TTLL5: variants seen among roughly 807,000 people sequenced by gnomAD.
TTLL5 encodes tubulin polyglutamylase TTLL5.
A neutral mutation model predicts 168.4 loss-of-function variants in TTLL5; 132 were observed. The ratio of observed to expected loss-of-function variants is 0.78; its 90% CI spans 0.68 to 0.91. The LOEUF (loss-of-function observed/expected upper bound fraction) is 0.91, where lower values mean the gene tolerates loss of function less well. Ranked by LOEUF, TTLL5 falls within the 40% of genes least tolerant of loss-of-function variation. The pLI, the probability that TTLL5 is intolerant of heterozygous loss-of-function variation, is 0.00. For missense variants in TTLL5, 1,545 were observed against 1,581.5 expected, an observed-to-expected ratio of 0.98 and a Z score of 0.39; for synonymous variants, 546 against 558.6, an observed-to-expected ratio of 0.98 and a Z score of 0.32.
chr14:75,766,421 T>C, intron 20 of TTLL5, 53 bp downstream of exon 20: 1 of 1,463,578 alleles, frequency 6.8e-7, no homozygotes, highest in African/African-American at 1.4e-5. Flanking sequence ...TAACTTGTAC[T>C]GTGTACCAGC....
intron 27 of TTLL5, among the ~76,000 whole-genome samples, chr14:75,816,579 C>T (rs753853846): frequency 5.7e-4 from 86 of 152,106 alleles, no homozygotes; most frequent in African/African-American, 7.7e-4. Context: ...AATCTCCAGA[C>T]GATATCATTT....
In TTLL5 at chr14:75,776,817, T is replaced by C. The variant is rs1373380553; in HGVS notation, c.2354T>C (p.Met785Thr). Residue 785 changes from methionine (M) to threonine (T), a missense_variant, in exon 23 of 32, where the codon ATG becomes ACG. Transcript: ENST00000298832. ...VEEEEEDGVN[M>T]ENFQEFIRQA... ...GAAGAAGAGGAAGATGGGGTGAATA[T>C]GGAAAACTTTCAGGAGTTCATCAGA... The C allele has an allele frequency of 1.2e-6, 2 of 1,613,974 alleles. No homozygotes were observed. Among genetic ancestry groups the C allele is most frequent in the Admixed American group, 3.3e-5 (2 of 60,002 alleles).
At chr14:75,839,169 G>A (rs1323276309) in intron 28 of TTLL5, 1 of 152,424 alleles carries the variant, frequency 6.6e-6, no homozygotes, top group Admixed American at 6.5e-5. Context: ...GAGCTCTGTG[G>A]TGTGGGCCCT....
intron 19 of TTLL5, 126 bp downstream of exon 19, chr14:75,764,898 T>C: frequency 9.2e-7 from 1 of 1,089,206 alleles, no homozygotes; most frequent in East Asian, 2.5e-5. Flanking sequence ...TTTATATAGT[T>C]TTTTCTCTGA....
At position 75,798,757 on chromosome 14, in the gene TTLL5, T is replaced by C. The variant is rs576724766; in HGVS notation, c.3171+5657T>C. On this transcript the variant is annotated intron_variant, in intron 27 of 31. Transcript: ENST00000298832. ...TCAGGAGCAGACTATTTAATTTCCA[T>C]GTACTTGCATGGTGTTGAGGGTTCC... Among the ~76,000 whole-genome samples, 5 of 152,300 alleles carry C rather than the reference T, an allele frequency of 3.3e-5. No individual in the cohort carries two copies. In the East Asian group the frequency reaches 9.6e-4, roughly 29 times the overall value.
At chr14:75,875,899 A>G (rs190248587) in intron 29 of TTLL5, among the ~76,000 whole-genome samples, 3 of 152,378 alleles carry the variant, frequency 2.0e-5, no homozygotes, top group Admixed American at 2.0e-4. Flanking sequence ...AGAATTATAA[A>G]TCATTTTGAA....
chr14:75,929,073 A>G (rs76460872), intron 31 of TTLL5, among the ~76,000 whole-genome samples: 5,381 of 122,116 alleles, frequency 0.044, 255 homozygotes, highest in African/African-American at 0.13. Context: ...TTGTCATTGT[A>G]CACAAGGAGG....
At position 75,735,230 on chromosome 14, in the gene TTLL5, A is replaced by T. The variant is rs752741850; in HGVS notation, c.1222A>T (p.Thr408Ser). Residue 408 changes from threonine (T) to serine (S), a missense_variant, in exon 15 of 32, where the codon ACT (threonine) becomes TCT (serine). Physicochemically the swap from Thr to Ser is moderately conservative, Grantham distance 58. Coordinates refer to ENST00000298832, the MANE Select transcript of TTLL5 (RefSeq NM_015072.5). Reference sequence around the variant, plus strand: ...CCAAGATCCTGCCCAGCGGGCATCAACTCGGCCAATTTATCCCACCTTTGA... The same window carrying T: ...CCAAGATCCTGCCCAGCGGGCATCATCTCGGCCAATTTATCCCACCTTTGA... The part of the protein sequence containing the change: ...VCQDPAQRAS[T>S]RPIYPTFESS... 6.2e-7 allele frequency: 1 copy of T among 1,614,184 alleles called. No homozygotes were observed. The highest frequency in any genetic ancestry group is 2.2e-5 in the East Asian group (1 of 44,888).
intron 30 of TTLL5, chr14:75,887,381 A>G (rs2032174870): frequency 5.2e-6 from 5 of 960,922 alleles, no homozygotes; most frequent in Middle Eastern, 5.3e-4. Flanking sequence ...TAATTGTCCA[A>G]AAGTTCTTGA....
chr14:75,817,811 C>CTTTTTCT (rs199966546), intron 27 of TTLL5, among the ~76,000 whole-genome samples: 2 of 123,204 alleles, frequency 1.6e-5, no homozygotes, highest in African/African-American at 6.1e-5. Context: ...CACAACCATT[C>CTTTTTCT]TTTCTTTTCT....
intron 7 of TTLL5, among the ~76,000 whole-genome samples, chr14:75,705,794 G>A (rs1886613609): frequency 6.6e-6 from 1 of 151,662 alleles, no homozygotes; most frequent in Non-Finnish European, 1.5e-5. Context: ...CTTCCCTTTT[G>A]GAGCCCTTTT....
At chr14:75,868,704 T>A (rs966090551) in intron 29 of TTLL5, among the ~76,000 whole-genome samples, 3 of 152,168 alleles carry the variant, frequency 2.0e-5, no homozygotes, top group Non-Finnish European at 4.4e-5. Flanking sequence ...AACCGAACCA[T>A]GTCTTGTTAT....
At chr14:75,700,285 C>T (rs1020803415) in intron 7 of TTLL5, among the ~76,000 whole-genome samples, 2 of 152,168 alleles carry the variant, frequency 1.3e-5, no homozygotes, top group Non-Finnish European at 2.9e-5. Flanking sequence ...TAATTGGTAG[C>T]AGCAGATGCC....
At chr14:75,764,811 G>T in intron 19 of TTLL5, 39 bp downstream of exon 19, 1 of 1,611,314 alleles carries the variant, frequency 6.2e-7, no homozygotes, top group South Asian at 1.1e-5. Flanking sequence ...CCCTTATCTG[G>T]ATCCTGCCAG....
chr14:75,789,640 T>C (rs997002704), intron 26 of TTLL5, among the ~76,000 whole-genome samples: 34 of 152,160 alleles, frequency 2.2e-4, no homozygotes, highest in African/African-American at 8.2e-4. Context: ...AAAACTGTGT[T>C]ACCTAGGAAT....
intron 27 of TTLL5, among the ~76,000 whole-genome samples, chr14:75,799,663 G>T (rs1893178320): frequency 6.6e-6 from 1 of 152,136 alleles, no homozygotes; most frequent in Non-Finnish European, 1.5e-5. Flanking sequence ...TGCTGGCTTG[G>T]TAGTGGCTAA....
chr14:75,884,285 C>T lies in TTLL5; in HGVS notation c.3740+1383C>T, dbSNP rs1320173135. 3.3e-5 allele frequency among the ~76,000 whole-genome samples: 5 copies of T among 152,302 alleles called. No individual in the cohort carries two copies. The East Asian group carries it at 7.7e-4, about 24-fold the overall frequency. ...TGCGAATGTTGAATTTGCCAGTGTG[C>T]CCCTTGTGGATTCTCTGATTATTGC... On this transcript the variant is annotated intron_variant, in intron 30 of 31. Coordinates refer to ENST00000298832, the MANE Select transcript of TTLL5 (RefSeq NM_015072.5).
intron 26 of TTLL5, among the ~76,000 whole-genome samples, 189 bp from the exon 27 acceptor site, chr14:75,792,727 A>C (rs1007793504): frequency 7.9e-5 from 12 of 152,196 alleles, no homozygotes; most frequent in African/African-American, 2.9e-4. Flanking sequence ...GTTTGGTAAT[A>C]GGAAGAGTTT....
chr14:75,784,692 T>C (rs924125276), intron 26 of TTLL5, among the ~76,000 whole-genome samples: 1 of 152,236 alleles, frequency 6.6e-6, no homozygotes, highest in Non-Finnish European at 1.5e-5. Context: ...CGCTGTGCCC[T>C]TTTACTAACA....
Sources: gnomAD v4.1 joint callset for allele counts (sites outside exome capture counted in the v4.1 genomes callset) on GRCh38, gnomAD v4.1.1 for gene constraint, MANE v1.5 for transcripts, NCBI Gene and HGNC (gene_info 2026-07-23, HGNC 2026-07-21) for gene names.